Variants in PELI2 observed in about 807,000 individuals in gnomAD.
PELI2 encodes E3 ubiquitin-protein ligase pellino homolog 2.
Under a neutral mutation model 42.3 loss-of-function variants are expected in PELI2, and 23 were observed. That is an observed-to-expected ratio of 0.54 (90% CI 0.39 to 0.77). The LOEUF (loss-of-function observed/expected upper bound fraction) is 0.77, where lower values mean the gene tolerates loss of function less well. Among genes scored for constraint, PELI2 ranks in the 30% least tolerant of loss-of-function variants. PELI2 has a pLI of 0.00. For synonymous variants in PELI2, 245 were observed against 212.2 expected (o/e 1.15, Z -1.34); for missense variants, 463 against 553.2 (o/e 0.84, Z 1.64).
At chr14:56,123,842 G>C in intron 1 of PELI2, among the ~76,000 whole-genome samples, 1 of 152,226 alleles carries the variant, frequency 6.6e-6, no homozygotes, top group East Asian at 1.9e-4. Flanking sequence ...ATTTGAGGAA[G>C]ACCAATATTG....
intron 2 of PELI2, among the ~76,000 whole-genome samples, chr14:56,243,519 C>T (rs1402523708): frequency 1.3e-5 from 2 of 152,276 alleles, no homozygotes; most frequent in East Asian, 3.9e-4. Flanking sequence ...ATAATACTAC[C>T]TCCTTCTAAG....
At chr14:56,199,791 T>C (rs1393916902) in intron 2 of PELI2, among the ~76,000 whole-genome samples, 2 of 152,276 alleles carry the variant, frequency 1.3e-5, no homozygotes, top group Non-Finnish European at 2.9e-5. Context: ...CATGTAGTTT[T>C]CACTCAGCTT....
intron 1 of PELI2, among the ~76,000 whole-genome samples, chr14:56,140,066 T>A (rs1401061462): frequency 6.6e-6 from 1 of 151,928 alleles, no homozygotes; most frequent in Non-Finnish European, 1.5e-5. Flanking sequence ...TTAGCACATG[T>A]CTGAATGAAA....
rs925546371 is a variant in PELI2, at chr14:56,220,399, G to A, written c.207+41935G>A. 2.0e-5 allele frequency among the ~76,000 whole-genome samples: 3 copies of A among 152,288 alleles called. No individual in the cohort carries two copies. In the South Asian group the frequency reaches 6.2e-4, roughly 32 times the overall value. ...AAAATGATAGTTTTGAAACAACATA[G>A]TTATAAAACACAGCATGTATCTATA... On this transcript the variant is annotated intron_variant, in intron 2 of 5. Coordinates refer to ENST00000267460, the MANE Select transcript of PELI2 (RefSeq NM_021255.3).
chr14:56,287,264 C>A (rs186405843), intron 3 of PELI2, among the ~76,000 whole-genome samples: 47 of 152,282 alleles, frequency 3.1e-4, no homozygotes, highest in African/African-American at 1.1e-3. Context: ...GACAGGTTTA[C>A]GCCTAAGTTT....
intron 1 of PELI2, among the ~76,000 whole-genome samples, chr14:56,150,529 A>G (rs1884309586): frequency 6.6e-6 from 1 of 152,054 alleles, no homozygotes; most frequent in Non-Finnish European, 1.5e-5. Context: ...GTATTTATTT[A>G]TTAATGAGTT....
In PELI2 at chr14:56,181,340, CTTTTTTTTT is replaced by C. The variant is rs57251739; in HGVS notation, c.207+2890_207+2898del. On this transcript the variant is annotated intron_variant, in intron 2 of 5. Coordinates refer to ENST00000267460, the MANE Select transcript of PELI2 (RefSeq NM_021255.3). The stretch of plus-strand genomic sequence containing the variant: ...CTGGGCCCTTCCTGACCCTGGTGGA[CTTTTTTTTT>C]TTTTTTTTTTTTTGGTCTTTATTAC... 1.1e-4 allele frequency among the ~76,000 whole-genome samples: 11 copies of C among 97,102 alleles called. 1 individual carries two copies. Among genetic ancestry groups the C allele is most frequent in the African/African-American group, 1.5e-4 (4 of 26,056 alleles). 63.7% of individuals were successfully genotyped at this position (97,102 alleles called of 152,430 possible).
intron 1 of PELI2, chr14:56,119,823 G>T (rs1882997726): frequency 1.0e-6 from 1 of 985,110 alleles, no homozygotes; most frequent in Non-Finnish European, 1.2e-6. Flanking sequence ...GTCCTTCTGC[G>T]TTGAAAGACC....
intron 1 of PELI2, among the ~76,000 whole-genome samples, chr14:56,151,551 A>T (rs1392557683): frequency 6.6e-6 from 1 of 152,204 alleles, no homozygotes; most frequent in Non-Finnish European, 1.5e-5. Context: ...ACCTGATGTC[A>T]CAGTGTTTGT....
In PELI2 at chr14:56,246,872, T is replaced by G. The variant is rs571359835; in HGVS notation, c.208-32804T>G. 3.3e-5 allele frequency among the ~76,000 whole-genome samples: 5 copies of G among 152,344 alleles called. No homozygotes were observed. The South Asian group carries it at 1.0e-3, about 32-fold the overall frequency. The stretch of plus-strand genomic sequence containing the variant: ...CTTACTATCTTGGCCACGTTTCCTT[T>G]TTAGAATTTAAGAAATATTACATTC... On this transcript the variant is annotated intron_variant, in intron 2 of 5. Coordinates refer to ENST00000267460, the MANE Select transcript of PELI2 (RefSeq NM_021255.3).
intron 1 of PELI2, among the ~76,000 whole-genome samples, chr14:56,170,928 G>T (rs994348965): frequency 6.6e-6 from 1 of 152,156 alleles, no homozygotes; most frequent in South Asian, 2.1e-4. Context: ...GGCTCTTATG[G>T]GCTCGAATTG....
chr14:56,224,507 A>G (rs923964220), intron 2 of PELI2, among the ~76,000 whole-genome samples: 2 of 152,210 alleles, frequency 1.3e-5, no homozygotes, highest in African/African-American at 4.8e-5. Flanking sequence ...CACTTGAGAA[A>G]AGGGCCATCT....
At chr14:56,137,615 T>A (rs1465148435) in intron 1 of PELI2, among the ~76,000 whole-genome samples, 1 of 152,188 alleles carries the variant, frequency 6.6e-6, no homozygotes. Context: ...GGAAATTGCT[T>A]CATAACTGAG....
intron 2 of PELI2, among the ~76,000 whole-genome samples, chr14:56,214,281 G>A (rs1886818800): frequency 6.6e-6 from 1 of 152,140 alleles, no homozygotes; most frequent in African/African-American, 2.4e-5. Flanking sequence ...GGAGGGGAGA[G>A]AGGGTAGAGC....
intron 1 of PELI2, among the ~76,000 whole-genome samples, chr14:56,125,730 C>G (rs1883232627): frequency 6.6e-6 from 1 of 152,130 alleles, no homozygotes; most frequent in Admixed American, 6.6e-5. Flanking sequence ...TGGTTCTGCC[C>G]TCTGTGCTGC....
intron 1 of PELI2, among the ~76,000 whole-genome samples, chr14:56,141,922 G>A (rs188287535): frequency 2.6e-5 from 4 of 152,286 alleles, no homozygotes; most frequent in Admixed American, 1.3e-4. Flanking sequence ...TTGTACAAAG[G>A]CCTTGATAAA....
chr14:56,286,925 C>T (rs181692139), intron 3 of PELI2, among the ~76,000 whole-genome samples: 3 of 152,088 alleles, frequency 2.0e-5, no homozygotes, highest in Non-Finnish European at 2.9e-5. Context: ...GCAGGCTGTT[C>T]CAGTTAGAAT....
rs1232033052 is a variant in PELI2 at position 56,288,792 on chromosome 14, A to G, written c.507+158A>G. The stretch of plus-strand genomic sequence containing the variant: ...TGGCCAGTTTGAGAAACTTGTTATT[A>G]AAAATCTGAACATTAATAAGCATTG... On this transcript the variant is annotated intron_variant, in intron 4 of 5. Coordinates refer to ENST00000267460, the MANE Select transcript of PELI2 (RefSeq NM_021255.3). The surrounding 1 kb of genome is among the most constrained non-coding windows in gnomAD (Gnocchi z 4.6). 6.6e-6 allele frequency among the ~76,000 whole-genome samples: 1 copy of G among 152,200 alleles called. No homozygotes were observed. Among genetic ancestry groups the G allele is most frequent in the Non-Finnish European group, 1.5e-5 (1 of 68,044 alleles).
At chr14:56,276,059 C>CT (rs755795082) in intron 2 of PELI2, among the ~76,000 whole-genome samples, 8 of 152,106 alleles carry the variant, frequency 5.3e-5, no homozygotes, top group Non-Finnish European at 1.0e-4. Flanking sequence ...ACTAGAAACT[C>CT]TATTTCTGAA....
Sources: gnomAD v4.1 joint callset for allele counts (sites outside exome capture counted in the v4.1 genomes callset) on GRCh38, gnomAD v4.1.1 for gene constraint, Gnocchi (gnomAD v3.1) non-coding constraint, MANE v1.5 for transcripts, NCBI Gene and HGNC (gene_info 2026-07-23, HGNC 2026-07-21) for gene names.